The following FLI1 variants were observed in gnomAD, a reference collection of about 807,000 sequenced individuals.
FLI1 encodes Fli-1 proto-oncogene, ETS transcription factor, also known as Friend leukemia integration 1 transcription factor.
A neutral mutation model predicts 53.1 loss-of-function variants in FLI1; 13 were observed. That is an observed-to-expected ratio of 0.24 (90% confidence interval 0.16 to 0.39). The LOEUF is 0.39. Ranked by LOEUF, FLI1 falls within the 10% of genes least tolerant of loss-of-function variation. The pLI is 1.00. For missense variants in FLI1, 424 were observed against 600.5 expected, an observed-to-expected ratio of 0.71 and a Z score of 3.07; for synonymous variants, 244 against 236.7, an observed-to-expected ratio of 1.03 and a Z score of -0.28.
At chr11:128,724,643 C>A (rs1466925257) in intron 1 of FLI1, among the ~76,000 whole-genome samples, 1 of 152,100 alleles carries the variant, frequency 6.6e-6, no homozygotes, top group Non-Finnish European at 1.5e-5. Context: ...TCATGGGACC[C>A]TAAATAAGTT....
chr11:128,769,622 G>A (rs1385288051), intron 3 of FLI1, among the ~76,000 whole-genome samples: 5 of 152,276 alleles, frequency 3.3e-5, no homozygotes, highest in Admixed American at 6.5e-5. Flanking sequence ...GCAGACGGGT[G>A]GGGCTTGTAG....
intron 1 of FLI1, among the ~76,000 whole-genome samples, chr11:128,733,338 C>G (rs746215804): frequency 5.3e-5 from 8 of 152,166 alleles, no homozygotes; most frequent in Non-Finnish European, 1.0e-4. Flanking sequence ...TTTAACAACA[C>G]TTCAAGTGAT....
chr11:128,782,652 C>T (rs144825868), intron 5 of FLI1, among the ~76,000 whole-genome samples: 75 of 152,236 alleles, frequency 4.9e-4, no homozygotes, highest in Admixed American at 3.4e-3. Context: ...GAGCCGAGTT[C>T]GCGCCACTGC....
At chr11:128,777,234 G>A (rs1160687208) in intron 4 of FLI1, among the ~76,000 whole-genome samples, 1 of 152,184 alleles carries the variant, frequency 6.6e-6, no homozygotes, top group Non-Finnish European at 1.5e-5. Context: ...TTTGCGCAAG[G>A]CTGGGAGCCC....
At chr11:128,716,085 A>G (rs1938997421) in intron 1 of FLI1, among the ~76,000 whole-genome samples, 1 of 152,204 alleles carries the variant, frequency 6.6e-6, no homozygotes, top group Non-Finnish European at 1.5e-5. Context: ...TGGCATTGGT[A>G]GGGTTAGGAG....
At chr11:128,758,013 T>C in intron 1 of FLI1, 102 bp from the exon 2 acceptor site, 3 of 1,003,444 alleles carry the variant, frequency 3.0e-6, no homozygotes, top group Non-Finnish European at 4.5e-6. Context: ...AGACAAGCTG[T>C]CCTGGGGCAG....
intron 1 of FLI1, among the ~76,000 whole-genome samples, chr11:128,730,774 G>A (rs1939663854): frequency 6.6e-6 from 1 of 152,204 alleles, no homozygotes; most frequent in African/African-American, 2.4e-5. Context: ...GATTTTCAAG[G>A]GAAACTCAAT....
At chr11:128,790,283 AAGAGAGAGAGAGAC>A (rs1278180353) in intron 5 of FLI1, among the ~76,000 whole-genome samples, 3 of 141,902 alleles carry the variant, frequency 2.1e-5, no homozygotes, top group East Asian at 2.0e-4. Flanking sequence ...GAGAGAGATT[AAGAGAGAGAGAGAC>A]AGAGAGAGAG....
intron 1 of FLI1, among the ~76,000 whole-genome samples, chr11:128,700,928 G>A (rs1314071071): frequency 1.3e-5 from 2 of 152,184 alleles, no homozygotes; most frequent in Non-Finnish European, 2.9e-5. Flanking sequence ...ATGAAAACTT[G>A]TGACTAGAGG....
At chr11:128,760,510 G>A (rs1188779619) in intron 2 of FLI1, among the ~76,000 whole-genome samples, 1 of 148,424 alleles carries the variant, frequency 6.7e-6, no homozygotes, top group Non-Finnish European at 1.5e-5. Context: ...GATCCCACTG[G>A]TGGAGATTCC....
intron 4 of FLI1, among the ~76,000 whole-genome samples, chr11:128,778,491 G>C (rs559893905): frequency 1.3e-5 from 2 of 152,354 alleles, no homozygotes; most frequent in Admixed American, 1.3e-4. Flanking sequence ...TTTGTGAATA[G>C]ACCACGATGG....
At chr11:128,713,090 G>T (rs1338263697) in intron 1 of FLI1, among the ~76,000 whole-genome samples, 1 of 152,148 alleles carries the variant, frequency 6.6e-6, no homozygotes, top group Non-Finnish European at 1.5e-5. Context: ...GCATAAATTT[G>T]TGAGGTGAAC....
upstream of FLI1, chr11:128,686,071 C>T: frequency 3.1e-6 from 1 of 318,696 alleles, no homozygotes; most frequent in Non-Finnish European, 6.3e-6. Flanking sequence ...CGTTAGTCTT[C>T]CTCCGTCCCC....
chr11:128,738,450 T>G (rs1443325007), intron 1 of FLI1, among the ~76,000 whole-genome samples: 1 of 152,234 alleles, frequency 6.6e-6, no homozygotes, highest in East Asian at 1.9e-4. Flanking sequence ...GCCTGAGCTC[T>G]CCAAATGCTT....
At chr11:128,688,197 C>T (rs1271017987) in intron 1 of FLI1, among the ~76,000 whole-genome samples, 1 of 152,140 alleles carries the variant, frequency 6.6e-6, no homozygotes, top group Non-Finnish European at 1.5e-5. Context: ...CCCAGGACCT[C>T]AGGGATGAGG....
upstream of FLI1, among the ~76,000 whole-genome samples, chr11:128,690,263 C>T (rs906636572): frequency 6.6e-6 from 1 of 152,234 alleles, no homozygotes. Flanking sequence ...TCCCCCTTTG[C>T]CAGCTCGGAT....
chr11:128,687,711 TTGCCAATTA>T (rs1937604006), intron 1 of FLI1, among the ~76,000 whole-genome samples: 1 of 151,996 alleles, frequency 6.6e-6, no homozygotes, highest in Admixed American at 6.5e-5. Flanking sequence ...TGTCCAAGGA[TTGCCAATTA>T]TGCGTCCAAC....
chr11:128,798,642 T>G (rs1199952121), intron 5 of FLI1, among the ~76,000 whole-genome samples: 3 of 152,126 alleles, frequency 2.0e-5, no homozygotes, highest in Admixed American at 1.3e-4. Context: ...TGATCCAGGA[T>G]GTTTTTTCCC....
chr11:128,794,015 G>A (rs1565503803), intron 5 of FLI1, among the ~76,000 whole-genome samples: 1 of 152,198 alleles, frequency 6.6e-6, no homozygotes, highest in African/African-American at 2.4e-5. Flanking sequence ...TCCACTGGGT[G>A]GGCCGTTTGG....
Sources: gnomAD v4.1 joint callset for allele counts (sites outside exome capture counted in the v4.1 genomes callset) on GRCh38, gnomAD v4.1.1 for gene constraint, MANE v1.5 for transcripts, NCBI Gene and HGNC (gene_info 2026-07-23, HGNC 2026-07-21) for gene names.